The following BCAR3 variants were observed in gnomAD, a reference collection of about 807,000 sequenced individuals.
The protein encoded by BCAR3 is breast cancer anti-estrogen resistance protein 3.
BCAR3 carries 37 observed loss-of-function variants against 80.1 expected under a neutral mutation model. The observed-to-expected ratio is 0.46, with a 90% CI of 0.36 to 0.61. The LOEUF (loss-of-function observed/expected upper bound fraction) is 0.61, where lower values mean the gene tolerates loss of function less well. Ranked by LOEUF, BCAR3 falls within the 20% of genes least tolerant of loss-of-function variation. The pLI, the probability that BCAR3 is intolerant of heterozygous loss-of-function variation, is 0.00. For missense variants in BCAR3, 978 were observed against 1,068.2 expected (o/e 0.92, Z 1.18); for synonymous variants, 389 against 418.9 (o/e 0.93, Z 0.87).
chr1:93,571,650 T>A lies in BCAR3; in HGVS notation c.1974+20A>T. On this transcript the variant is annotated intron_variant, in intron 9 of 11. Transcript: ENST00000260502. ...CTCTTTACAGAACATTAAGTACACA[T>A]AAAGTAATTGGAAATTTACCTGTGG... The A allele has an allele frequency of 6.2e-7, 1 of 1,613,486 alleles. No homozygotes were observed. The highest frequency in any genetic ancestry group is 8.5e-7 in the Non-Finnish European group (1 of 1,179,392).
intron 2 of BCAR3, among the ~76,000 whole-genome samples, chr1:93,726,725 C>T (rs1012439192): frequency 6.6e-5 from 10 of 152,224 alleles, no homozygotes; most frequent in African/African-American, 2.4e-4. Flanking sequence ...CGTGGTTCAT[C>T]GTATCACTGA....
chr1:93,766,089 C>T (rs1652138159), intron 2 of BCAR3, among the ~76,000 whole-genome samples: 1 of 152,184 alleles, frequency 6.6e-6, no homozygotes, highest in Non-Finnish European at 1.5e-5. Flanking sequence ...TCTCCCCTTT[C>T]CCCTTCTGCC....
chr1:93,769,876 C>T (rs1652294116), intron 2 of BCAR3, among the ~76,000 whole-genome samples: 2 of 152,094 alleles, frequency 1.3e-5, no homozygotes, highest in Non-Finnish European at 2.9e-5. Flanking sequence ...CTTAGGAGAC[C>T]CACTTGTGGG....
chr1:93,645,364 T>A (rs1371924928), intron 2 of BCAR3, among the ~76,000 whole-genome samples: 1 of 152,192 alleles, frequency 6.6e-6, no homozygotes, highest in Non-Finnish European at 1.5e-5. Context: ...GTAGGTTTTA[T>A]GGCACCTCTA....
chr1:93,707,194 TA>T (rs1231796637), intron 2 of BCAR3, among the ~76,000 whole-genome samples: 2 of 151,998 alleles, frequency 1.3e-5, no homozygotes, highest in East Asian at 3.9e-4. Flanking sequence ...AAAAAAAGTA[TA>T]CAGTTTAAAA....
At chr1:93,691,491 C>T (rs948500120) in intron 3 of BCAR3, among the ~76,000 whole-genome samples, 2 of 152,222 alleles carry the variant, frequency 1.3e-5, no homozygotes, top group Non-Finnish European at 2.9e-5. Flanking sequence ...AGTTATCATT[C>T]TACAAAGCAG....
chr1:93,664,429 T>C (rs1647806618), intron 2 of BCAR3, among the ~76,000 whole-genome samples: 1 of 152,230 alleles, frequency 6.6e-6, no homozygotes, highest in Non-Finnish European at 1.5e-5. Context: ...CAGTTCCTAC[T>C]TTTCTATGAG....
intron 2 of BCAR3, among the ~76,000 whole-genome samples, chr1:93,746,546 A>C (rs1314471694): frequency 1.3e-5 from 2 of 152,214 alleles, no homozygotes; most frequent in Non-Finnish European, 2.9e-5. Flanking sequence ...GCCATTATTA[A>C]ATTTGTTCTC....
In BCAR3 at chr1:93,562,206, T is replaced by G. The variant is rs745409076; in HGVS notation, c.*35A>C. The G allele has an allele frequency of 8.2e-6, 13 of 1,576,866 alleles. No individual in the cohort carries two copies. The highest frequency in any genetic ancestry group is 1.0e-5 in the Non-Finnish European group (12 of 1,158,878). On this transcript the variant is annotated 3_prime_UTR_variant, in exon 12 of 12. Transcript: ENST00000260502. ...TTCCCAAAGATGAAGCTGGGGAAAC[T>G]TGAAAAGATATTCTAAAGGTTCTCT...
chr1:93,573,963 C>T (rs1673338876), intron 8 of BCAR3, among the ~76,000 whole-genome samples: 1 of 152,156 alleles, frequency 6.6e-6, no homozygotes, highest in Non-Finnish European at 1.5e-5. Flanking sequence ...GTTTTCTTAT[C>T]CATTTGCAAA....
intron 2 of BCAR3, among the ~76,000 whole-genome samples, chr1:93,647,179 A>G (rs1456653652): frequency 1.3e-5 from 2 of 152,214 alleles, no homozygotes; most frequent in African/African-American, 4.8e-5. Flanking sequence ...TTAAAGAGGT[A>G]TTTTTGGTAA....
chr1:93,604,169 T>C (rs557400835), intron 3 of BCAR3, among the ~76,000 whole-genome samples: 6 of 152,310 alleles, frequency 3.9e-5, no homozygotes, highest in Admixed American at 3.9e-4. Flanking sequence ...TGATTTGCAA[T>C]TTGCTGTTAA....
intron 3 of BCAR3, among the ~76,000 whole-genome samples, chr1:93,616,022 C>A (rs1675113763): frequency 6.6e-6 from 1 of 152,108 alleles, no homozygotes; most frequent in East Asian, 1.9e-4. Flanking sequence ...GAAATGCATT[C>A]CTGAAAGTAA....
At chr1:93,739,043 C>T (rs1557671466) in intron 2 of BCAR3, among the ~76,000 whole-genome samples, 1 of 152,190 alleles carries the variant, frequency 6.6e-6, no homozygotes, top group Non-Finnish European at 1.5e-5. Context: ...CTGGAATTCC[C>T]ACCTTGACTT....
chr1:93,844,127 T>G (rs1655059753), intron 2 of BCAR3, among the ~76,000 whole-genome samples: 1 of 152,110 alleles, frequency 6.6e-6, no homozygotes, highest in Non-Finnish European at 1.5e-5. Context: ...GACAACATGG[T>G]GAAACCCCAT....
intron 3 of BCAR3, among the ~76,000 whole-genome samples, chr1:93,641,838 GAACACT>G (rs983601735): frequency 6.6e-6 from 1 of 152,082 alleles, no homozygotes; most frequent in African/African-American, 2.4e-5. Flanking sequence ...AAAAAACTCT[GAACACT>G]AACATTAAAA....
At chr1:93,763,394 T>A (rs1287709574) in intron 2 of BCAR3, among the ~76,000 whole-genome samples, 1 of 152,230 alleles carries the variant, frequency 6.6e-6, no homozygotes, top group Non-Finnish European at 1.5e-5. Context: ...GCCTACTGCA[T>A]GCTAGGCTCT....
intron 3 of BCAR3, among the ~76,000 whole-genome samples, chr1:93,619,611 T>C (rs1264784474): frequency 2.6e-5 from 4 of 152,198 alleles, no homozygotes; most frequent in Non-Finnish European, 5.9e-5. Flanking sequence ...AAGCAACTAA[T>C]AGGCAACGAC....
At chr1:93,680,801 G>A (rs898353129) in intron 1 of BCAR3, among the ~76,000 whole-genome samples, 1 of 152,204 alleles carries the variant, frequency 6.6e-6, no homozygotes. Context: ...CGCCTTGCCA[G>A]ATGCTTCGGA....
Sources: allele counts gnomAD v4.1 joint callset (sites outside exome capture counted in the v4.1 genomes callset), GRCh38; gene constraint gnomAD v4.1.1; transcripts MANE v1.5; gene names NCBI Gene and HGNC (gene_info 2026-07-23, HGNC 2026-07-21).